Variants in SDK1 observed in about 807,000 individuals in gnomAD.
SDK1 encodes sidekick cell adhesion molecule 1.
SDK1 carries 157 observed loss-of-function variants against 245.5 expected under a neutral mutation model. The observed-to-expected ratio is 0.64, with a 90% CI of 0.56 to 0.73. The LOEUF (loss-of-function observed/expected upper bound fraction) is 0.73, where lower values mean the gene tolerates loss of function less well. Ranked by LOEUF, SDK1 falls within the 30% of genes least tolerant of loss-of-function variation. SDK1 has a pLI of 0.00. For synonymous variants in SDK1, 1,647 were observed against 1,278.5 expected (o/e 1.29, Z -6.15); for missense variants, 3,583 against 3,002.3 (o/e 1.19, Z -4.52).
chr7:3,988,086 C>CG (rs1784012297), intron 14 of SDK1, among the ~76,000 whole-genome samples: 1 of 151,250 alleles, frequency 6.6e-6, no homozygotes, highest in South Asian at 2.1e-4. Flanking sequence ...GGTTGTCTCA[C>CG]GGCCTCTCCA....
chr7:3,352,559 G>C (rs944635991), intron 1 of SDK1, among the ~76,000 whole-genome samples: 2 of 152,026 alleles, frequency 1.3e-5, no homozygotes, highest in Non-Finnish European at 2.9e-5. Context: ...CGTGTTCTTT[G>C]GCCAGACACC....
intron 4 of SDK1, among the ~76,000 whole-genome samples, chr7:3,725,881 A>G (rs896582597): frequency 2.6e-5 from 4 of 152,252 alleles, no homozygotes; most frequent in African/African-American, 9.6e-5. Flanking sequence ...CTCCAATCGT[A>G]TTGAACAGTC....
At chr7:3,372,717 T>G (rs906119866) in intron 1 of SDK1, among the ~76,000 whole-genome samples, 6 of 152,148 alleles carry the variant, frequency 3.9e-5, no homozygotes, top group Non-Finnish European at 8.8e-5. Flanking sequence ...ACATCCTTAG[T>G]GATCCATGCT....
intron 5 of SDK1, among the ~76,000 whole-genome samples, chr7:3,866,806 A>C (rs1780833506): frequency 1.3e-5 from 2 of 152,142 alleles, no homozygotes; most frequent in Non-Finnish European, 2.9e-5. Context: ...GAACCACTTG[A>C]GAGGAGGCGT....
intron 1 of SDK1, among the ~76,000 whole-genome samples, chr7:3,583,786 G>A (rs904664190): frequency 6.6e-6 from 1 of 152,126 alleles, no homozygotes; most frequent in Non-Finnish European, 1.5e-5. Context: ...GAATGCCACC[G>A]AGAGGGCGGC....
At chr7:3,518,571 T>C (rs1388550037) in intron 1 of SDK1, among the ~76,000 whole-genome samples, 1 of 151,548 alleles carries the variant, frequency 6.6e-6, no homozygotes, top group Non-Finnish European at 1.5e-5. Context: ...GCAACAAATA[T>C]ATGAAAAGTA....
intron 4 of SDK1, among the ~76,000 whole-genome samples, chr7:3,732,501 G>T (rs752452830): frequency 1.3e-5 from 2 of 152,058 alleles, no homozygotes; most frequent in Admixed American, 1.3e-4. Flanking sequence ...TTAATAGTTC[G>T]GTTCGGTCTG....
At position 3,723,943 on chromosome 7, in the gene SDK1, T is replaced by TATATAG. The variant is rs1177943410; in HGVS notation, c.713+81839_713+81840insTATAGA. ...ATACACGTATATATATATATATATATAGAGAGAGAGAGAGAGAGAGAGAGA... is the reference window on the plus strand; with the variant it reads ...ATACACGTATATATATATATATATATATATAGAGAGAGAGAGAGAGAGAGAGAGAGA... On this transcript the variant is annotated intron_variant, in intron 4 of 44. Coordinates refer to ENST00000404826, the MANE Select transcript of SDK1 (RefSeq NM_152744.4). 1.4e-4 allele frequency among the ~76,000 whole-genome samples: 13 copies of TATATAG among 89,694 alleles called. 2 individuals are homozygous for TATATAG. The East Asian group carries it at 1.5e-3, about 10-fold the overall frequency. The allele number at this position is 89,694 out of a possible 152,430, so 58.8% of individuals were successfully genotyped here.
intron 20 of SDK1, among the ~76,000 whole-genome samples, chr7:4,074,916 A>ATATATATTTTTTTTT (rs1434239449): frequency 1.5e-5 from 1 of 64,602 alleles, no homozygotes; most frequent in Non-Finnish European, 2.5e-5. Context: ...ATATATATAT[A>ATATATATTTTTTTTT]TTTTTTTTTT....
intron 1 of SDK1, among the ~76,000 whole-genome samples, chr7:3,531,233 C>T (rs1365119258): frequency 6.6e-6 from 1 of 152,168 alleles, no homozygotes; most frequent in African/African-American, 2.4e-5. Flanking sequence ...TACTTGATCA[C>T]ATCGAGCATA....
At chr7:3,378,030 C>T (rs752094077) in intron 1 of SDK1, among the ~76,000 whole-genome samples, 20 of 152,200 alleles carry the variant, frequency 1.3e-4, no homozygotes, top group Admixed American at 4.6e-4. Context: ...CCGCCTGCCT[C>T]GGCTTCCCAA....
intron 14 of SDK1, among the ~76,000 whole-genome samples, chr7:3,999,570 C>T (rs1018434594): frequency 4.0e-5 from 6 of 151,882 alleles, no homozygotes; most frequent in African/African-American, 1.2e-4. Flanking sequence ...TGCCTCGGGG[C>T]GGGGGAGGCT....
chr7:3,878,258 C>T (rs545632974), intron 5 of SDK1, among the ~76,000 whole-genome samples: 6 of 152,272 alleles, frequency 3.9e-5, no homozygotes, highest in Admixed American at 2.6e-4. Context: ...CGGTGGCTCA[C>T]GCCTGTAATC....
intron 5 of SDK1, 112 bp from the exon 6 acceptor site, chr7:3,950,811 T>C: frequency 1.4e-6 from 1 of 717,448 alleles, no homozygotes; most frequent in South Asian, 1.7e-5. Flanking sequence ...GGATTGGTAC[T>C]CTCTTTGGTT....
intron 4 of SDK1, among the ~76,000 whole-genome samples, chr7:3,812,333 T>C (rs1048994512): frequency 6.6e-6 from 1 of 152,234 alleles, no homozygotes; most frequent in African/African-American, 2.4e-5. Flanking sequence ...TGTGATTAAA[T>C]ACTGGAGGAT....
chr7:3,658,483 T>G (rs1021152682), intron 4 of SDK1, among the ~76,000 whole-genome samples: 4 of 151,924 alleles, frequency 2.6e-5, no homozygotes, highest in African/African-American at 9.7e-5. Flanking sequence ...CATGTAGTCT[T>G]TAAGGAAAAA....
chr7:4,199,383 G>A (rs1450319755), intron 35 of SDK1, among the ~76,000 whole-genome samples: 1 of 152,186 alleles, frequency 6.6e-6, no homozygotes, highest in Admixed American at 6.5e-5. Flanking sequence ...AGTGGGTGAT[G>A]ATGGCTATTG....
At chr7:3,751,061 T>G (rs1230032793) in intron 4 of SDK1, among the ~76,000 whole-genome samples, 1 of 152,186 alleles carries the variant, frequency 6.6e-6, no homozygotes, top group Non-Finnish European at 1.5e-5. Flanking sequence ...AGCTCCACCC[T>G]GCAGCCACTG....
At chr7:3,689,276 A>G (rs1338604515) in intron 4 of SDK1, among the ~76,000 whole-genome samples, 1 of 152,034 alleles carries the variant, frequency 6.6e-6, no homozygotes, top group Non-Finnish European at 1.5e-5. Flanking sequence ...CACCTCTCCC[A>G]CAAAGATGTC....
Sources: gnomAD v4.1 joint callset for allele counts (sites outside exome capture counted in the v4.1 genomes callset) on GRCh38, gnomAD v4.1.1 for gene constraint, MANE v1.5 for transcripts, NCBI Gene and HGNC (gene_info 2026-07-23, HGNC 2026-07-21) for gene names.